LRRC49: variants seen among roughly 807,000 people sequenced by gnomAD.
LRRC49 encodes the protein leucine rich repeat containing 49, also known as leucine-rich repeat-containing protein 49.
In LRRC49, 50 loss-of-function variants were observed where a neutral mutation model predicts 83.3. The observed-to-expected ratio is 0.60, with a 90% CI of 0.48 to 0.76. The LOEUF is 0.76. Ranked by LOEUF, LRRC49 falls within the 30% of genes least tolerant of loss-of-function variation. The pLI is 0.00. For missense variants in LRRC49, 704 were observed against 809.1 expected (o/e 0.87, Z 1.58); for synonymous variants, 286 against 283.3 (o/e 1.01, Z -0.10).
chr15:70,967,844 G>A (rs373788591), intron 9 of LRRC49, among the ~76,000 whole-genome samples: 16 of 152,242 alleles, frequency 1.1e-4, no homozygotes, highest in Middle Eastern at 6.8e-3. Flanking sequence ...GTGGCCTAGA[G>A]TTTGGCAGTC....
intron 5 of LRRC49, among the ~76,000 whole-genome samples, chr15:70,907,282 G>C (rs182891303): frequency 6.6e-6 from 1 of 152,300 alleles, no homozygotes; most frequent in African/African-American, 2.4e-5. Context: ...TTTGGTCCAA[G>C]GCAGTGGAAC....
chr15:70,893,716 GTAGA>G (rs1354147717), intron 2 of LRRC49, 76 bp downstream of exon 2: 6 of 1,139,556 alleles, frequency 5.3e-6, no homozygotes, highest in African/African-American at 1.6e-5. Flanking sequence ...GACTTAAAGT[GTAGA>G]TAGATTCTAA....
chr15:71,047,968 G>T (rs2039902281), intron 15 of LRRC49, among the ~76,000 whole-genome samples: 1 of 151,772 alleles, frequency 6.6e-6, no homozygotes, highest in Non-Finnish European at 1.5e-5. Context: ...TAGAGATGGG[G>T]TTTCACCATG....
intron 11 of LRRC49, among the ~76,000 whole-genome samples, chr15:71,007,732 TA>T (rs2038508807): frequency 7.2e-6 from 1 of 139,356 alleles, no homozygotes; most frequent in South Asian, 2.3e-4. Flanking sequence ...TATATATATA[TA>T]TATATATAGT....
intron 7 of LRRC49, among the ~76,000 whole-genome samples, chr15:70,922,927 A>G (rs1465918914): frequency 1.3e-5 from 2 of 152,050 alleles, no homozygotes; most frequent in African/African-American, 4.8e-5. Context: ...ATTTGTATAT[A>G]TCTTTTATTT....
chr15:71,019,612 G>A (rs878993923), intron 14 of LRRC49, among the ~76,000 whole-genome samples: 3 of 152,240 alleles, frequency 2.0e-5, no homozygotes, highest in Admixed American at 2.0e-4. Flanking sequence ...TATACCATCA[G>A]GTCAGAAATA....
intron 2 of LRRC49, among the ~76,000 whole-genome samples, chr15:70,873,460 T>C (rs2033092647): frequency 6.6e-6 from 1 of 152,158 alleles, no homozygotes; most frequent in Admixed American, 6.5e-5. Flanking sequence ...CCCCACAATT[T>C]AATGGCCTAA....
chr15:70,985,236 C>A (rs375651016), intron 11 of LRRC49, among the ~76,000 whole-genome samples: 81 of 149,840 alleles, frequency 5.4e-4, no homozygotes, highest in East Asian at 2.8e-3. Context: ...ACTAGTTTAC[C>A]GTCCCACCAA....
At chr15:70,853,625 T>C (rs963669380) in intron 1 of LRRC49, 5 of 295,142 alleles carry the variant, frequency 1.7e-5, no homozygotes, top group Admixed American at 1.0e-4. Flanking sequence ...CCTGGATCCC[T>C]GAACATCCCC....
At chr15:71,044,019 C>T (rs1317830373) in intron 15 of LRRC49, among the ~76,000 whole-genome samples, 6 of 152,166 alleles carry the variant, frequency 3.9e-5, no homozygotes, top group Admixed American at 3.9e-4. Flanking sequence ...CTTGTAAATG[C>T]ATTGCTTGTA....
Position 71,049,679 on chromosome 15 carries a change from T to C in LRRC49, c.*67T>C. 9.6e-7 allele frequency: 1 copy of C among 1,046,414 alleles called. No individual in the cohort carries two copies. The highest frequency in any genetic ancestry group is 1.4e-6 in the Non-Finnish European group (1 of 691,842). 64.8% of individuals were successfully genotyped at this position (1,046,414 alleles called of 1,614,324 possible). A position where few individuals can be genotyped will look rare whatever the true frequency, so the allele number is the denominator to read the frequency against. On this transcript the variant is annotated 3_prime_UTR_variant, in exon 16 of 16. Coordinates refer to ENST00000260382, the MANE Select transcript of LRRC49 (RefSeq NM_017691.5). The stretch of plus-strand genomic sequence containing the variant: ...TTGAAGGTTGAAAATATGCAGGTTA[T>C]ACATGTTAAAACAACAACAACACTA...
At chr15:70,960,332 G>A (rs1596069729) in intron 8 of LRRC49, among the ~76,000 whole-genome samples, 1 of 152,184 alleles carries the variant, frequency 6.6e-6, no homozygotes, top group Admixed American at 6.5e-5. Flanking sequence ...TTATCAATCT[G>A]TCAAAATCTT....
intron 1 of LRRC49, chr15:70,858,893 G>A: frequency 1.3e-6 from 1 of 763,902 alleles, no homozygotes; most frequent in Middle Eastern, 3.2e-4. Context: ...CCAGTGGTAT[G>A]GGAGGCATCA....
At chr15:71,034,254 A>G (rs556602494) in intron 14 of LRRC49, among the ~76,000 whole-genome samples, 1 of 152,362 alleles carries the variant, frequency 6.6e-6, no homozygotes, top group East Asian at 1.9e-4. Context: ...AAAAGAAGAG[A>G]TTTATGTGGC....
At chr15:71,008,198 A>G (rs935216044) in intron 11 of LRRC49, among the ~76,000 whole-genome samples, 181 bp from the exon 12 acceptor site, 16 of 151,966 alleles carry the variant, frequency 1.1e-4, no homozygotes, top group African/African-American at 3.9e-4. Flanking sequence ...ATTAAAATAT[A>G]TGATTAGAAT....
chr15:71,025,117 A>G (rs1235240267), intron 14 of LRRC49, among the ~76,000 whole-genome samples: 1 of 152,216 alleles, frequency 6.6e-6, no homozygotes, highest in Admixed American at 6.5e-5. Context: ...AAGCTGGAAA[A>G]CATACTTCAA....
intron 3 of LRRC49, among the ~76,000 whole-genome samples, chr15:70,897,905 A>C (rs981952212): frequency 6.6e-6 from 1 of 152,190 alleles, no homozygotes; most frequent in African/African-American, 2.4e-5. Context: ...TTATTGATTA[A>C]ATCCCTTAAT....
At chr15:70,892,504 T>C, upstream of LRRC49, 2 of 1,525,494 alleles carry the variant, frequency 1.3e-6, no homozygotes, top group Admixed American at 2.0e-5. Context: ...CAGGAGCCAG[T>C]GGACACAAGC....
intron 1 of LRRC49, among the ~76,000 whole-genome samples, chr15:70,857,556 C>A (rs927848626): frequency 6.6e-6 from 1 of 152,130 alleles, no homozygotes; most frequent in African/African-American, 2.4e-5. Flanking sequence ...TTTATCTACT[C>A]ATTTAATCAT....
Sources: allele counts gnomAD v4.1 joint callset (sites outside exome capture counted in the v4.1 genomes callset), GRCh38; gene constraint gnomAD v4.1.1; transcripts MANE v1.5; gene names NCBI Gene and HGNC (gene_info 2026-07-23, HGNC 2026-07-21).